KPNA7: variants seen among roughly 807,000 people sequenced by gnomAD.
KPNA7 encodes importin subunit alpha-8.
Under a neutral mutation model 53.7 loss-of-function variants are expected in KPNA7, and 54 were observed. The observed-to-expected ratio is 1.01, with a 90% CI of 0.81 to 1.26. The LOEUF is 1.26. Among genes scored for constraint, KPNA7 ranks in the 50% most tolerant of loss-of-function variants. The probability of loss-of-function intolerance (pLI) is 0.00; values close to 1 mark genes in which losing one functional copy is unlikely to be tolerated. For missense variants in KPNA7, 640 were observed against 644.5 expected, an observed-to-expected ratio of 0.99 and a Z score of 0.07; for synonymous variants, 276 against 259.3, an observed-to-expected ratio of 1.06 and a Z score of -0.62.
the KPNA7 span, among the ~76,000 whole-genome samples, chr7:99,148,454 A>G: frequency 1.3e-5 from 2 of 152,212 alleles, no homozygotes; most frequent in East Asian, 3.8e-4. Flanking sequence ...AATCTGATGG[A>G]AACTCTGGAC....
intron 2 of KPNA7, among the ~76,000 whole-genome samples, chr7:99,206,868 C>A (rs988346707): frequency 5.9e-5 from 9 of 152,104 alleles, no homozygotes; most frequent in Non-Finnish European, 1.3e-4. Context: ...TTGTCTGGCT[C>A]CTAAGTCCAC....
At chr7:99,201,688 A>C (rs985579535) in intron 3 of KPNA7, among the ~76,000 whole-genome samples, 1 of 150,236 alleles carries the variant, frequency 6.7e-6, no homozygotes, top group Admixed American at 6.6e-5. Flanking sequence ...ATATGGGACC[A>C]AAAGAAAAAC....
At chr7:99,153,072 C>T in the KPNA7 span, among the ~76,000 whole-genome samples, 4 of 152,176 alleles carry the variant, frequency 2.6e-5, no homozygotes, top group South Asian at 2.1e-4. Flanking sequence ...ACCTCGCAAA[C>T]GGGGTGAGGA....
the KPNA7 span, among the ~76,000 whole-genome samples, chr7:99,163,383 ATTTTT>A: frequency 5.1e-4 from 21 of 40,808 alleles, no homozygotes; most frequent in Admixed American, 9.8e-4. Flanking sequence ...ATATATATAT[ATTTTT>A]TTTTTTTTTT....
At chr7:99,177,276 G>C (rs1456891242) in intron 10 of KPNA7, among the ~76,000 whole-genome samples, 1 of 152,070 alleles carries the variant, frequency 6.6e-6, no homozygotes, top group Non-Finnish European at 1.5e-5. Flanking sequence ...AGTTTGGGAA[G>C]ATAAAAACTG....
chr7:99,160,011 G>GT, the KPNA7 span, among the ~76,000 whole-genome samples: 38 of 83,194 alleles, frequency 4.6e-4, no homozygotes, highest in African/African-American at 1.8e-3. Context: ...CTCCTCTGTT[G>GT]TTTTTGTTTT....
the KPNA7 span, among the ~76,000 whole-genome samples, chr7:99,166,169 C>T: frequency 2.0e-5 from 3 of 152,136 alleles, no homozygotes; most frequent in East Asian, 1.9e-4. Context: ...TTATAAACCA[C>T]CCAGACTCAG....
At chr7:99,147,801 AAT>A in the KPNA7 span, among the ~76,000 whole-genome samples, 1,832 of 40,716 alleles carry the variant, frequency 0.045, 51 homozygotes, top group African/African-American at 0.13. Context: ...CAAAAAAAAA[AAT>A]TTTTTTTTTT....
At position 99,188,469 on chromosome 7, in the gene KPNA7, G is replaced by A. The variant is rs116916633; in HGVS notation, c.731C>T (p.Pro244Leu). 7.4e-3 allele frequency: 11,494 copies of A among 1,551,648 alleles called. 52 individuals carry two copies. The highest frequency in any genetic ancestry group is 8.7e-3 in the Non-Finnish European group (9,978 of 1,147,000). ...PCDTAVKQIL[P>L]ALLHLLQHQD... ...GTGCTGCAGGAGGTGAAGGAGGGCC[G>A]GCAGTATCTGCTTCACCGCAGTGTC... Residue 244 changes from proline to leucine, a missense_variant, in exon 7 of 11, where the codon CCG becomes CTG. By Grantham distance (98) the Pro-to-Leu change is moderately conservative. Transcript: ENST00000327442.
intron 5 of KPNA7, among the ~76,000 whole-genome samples, chr7:99,194,518 G>T (rs1345221555): frequency 4.6e-5 from 7 of 152,158 alleles, no homozygotes; most frequent in Non-Finnish European, 5.9e-5. Flanking sequence ...CTTAGTGTTG[G>T]CAGATGTCTC....
intron 1 of KPNA7, among the ~76,000 whole-genome samples, chr7:99,214,314 G>A (rs1426608179): frequency 2.6e-5 from 4 of 151,502 alleles, no homozygotes; most frequent in South Asian, 4.2e-4. Flanking sequence ...ATGGTGGCAT[G>A]TGCCTGTAGT....
chr7:99,179,995 G>A (rs1474189957), intron 9 of KPNA7, among the ~76,000 whole-genome samples: 1 of 152,136 alleles, frequency 6.6e-6, no homozygotes, highest in African/African-American at 2.4e-5. Flanking sequence ...CACATTGAAT[G>A]GGGATGACCT....
chr7:99,153,562 A>T, the KPNA7 span, among the ~76,000 whole-genome samples: 1 of 152,004 alleles, frequency 6.6e-6, no homozygotes, highest in Non-Finnish European at 1.5e-5. Context: ...AAAAAAAAAA[A>T]AAAGATCGTT....
In KPNA7 at chr7:99,180,159, G is replaced by T. The variant is rs923322810; in HGVS notation, c.1317+1724C>A. ...ACACTCAGGCAGCCCAATGGAGAAG[G>T]TCCATGTGTCCAAGTGACTTCCCGG... is the stretch of plus-strand genomic sequence containing the variant. On this transcript the variant is annotated intron_variant, in intron 9 of 10. Transcript: ENST00000327442. Among the ~76,000 whole-genome samples the T allele has an allele frequency of 1.3e-3, 196 of 152,162 alleles. 2 individuals are homozygous for T. The highest frequency in any genetic ancestry group is 2.2e-4 in the Non-Finnish European group (15 of 68,036).
intron 5 of KPNA7, among the ~76,000 whole-genome samples, chr7:99,194,187 G>T (rs1175528282): frequency 6.6e-6 from 1 of 152,106 alleles, no homozygotes; most frequent in Non-Finnish European, 1.5e-5. Context: ...GAAAGTCACT[G>T]GATTGATGTC....
At chr7:99,194,531 GT>G in intron 5 of KPNA7, among the ~76,000 whole-genome samples, 1 of 152,298 alleles carries the variant, frequency 6.6e-6, no homozygotes, top group Non-Finnish European at 1.5e-5. Flanking sequence ...GATGTCTCTA[GT>G]TAGCCTGTGG....
intron 9 of KPNA7, among the ~76,000 whole-genome samples, chr7:99,181,306 G>A (rs114486493): frequency 4.6e-5 from 7 of 151,948 alleles, no homozygotes; most frequent in Non-Finnish European, 7.4e-5. Context: ...CCCTTTATCC[G>A]ATTTACTTTA....
At chr7:99,175,312 G>A (rs1798857576) in intron 10 of KPNA7, among the ~76,000 whole-genome samples, 1 of 151,678 alleles carries the variant, frequency 6.6e-6, no homozygotes, top group Non-Finnish European at 1.5e-5. Flanking sequence ...CGAGTAACTG[G>A]GATTACAGGC....
chr7:99,181,204 C>T (rs1007388396), intron 9 of KPNA7, among the ~76,000 whole-genome samples: 7 of 144,574 alleles, frequency 4.8e-5, no homozygotes, highest in Non-Finnish European at 6.1e-5. Context: ...TCTCTCTCTC[C>T]GTCTGTGTCT....
Sources: allele counts gnomAD v4.1 joint callset (sites outside exome capture counted in the v4.1 genomes callset), GRCh38; gene constraint gnomAD v4.1.1; transcripts MANE v1.5; gene names NCBI Gene and HGNC (gene_info 2026-07-23, HGNC 2026-07-21).